The following IQCM variants were observed in gnomAD, a reference collection of about 807,000 sequenced individuals.
IQCM encodes IQ domain-containing protein M.
A neutral mutation model predicts 57.6 loss-of-function variants in IQCM; 45 were observed. The observed-to-expected ratio is 0.78, with a 90% confidence interval of 0.62 to 1.00. IQCM has a LOEUF of 1.00. Among genes scored for constraint, IQCM ranks in the 50% least tolerant of loss-of-function variants. The pLI is 0.00. For synonymous variants in IQCM, 148 were observed against 158.9 expected (o/e 0.93, Z 0.51); for missense variants, 468 against 511.6 (o/e 0.91, Z 0.82).
At chr4:149,620,659 T>C (rs547045097) in intron 8 of IQCM, among the ~76,000 whole-genome samples, 2 of 152,340 alleles carry the variant, frequency 1.3e-5, no homozygotes, top group South Asian at 2.1e-4. Flanking sequence ...TACTTTCAGA[T>C]CACAAGTTCT....
intron 5 of IQCM, chr4:149,691,140 A>G (rs1192049314): frequency 6.6e-6 from 1 of 152,182 alleles, no homozygotes; most frequent in Non-Finnish European, 1.5e-5. Context: ...GCTAATTGCT[A>G]TATATGGATT....
intron 5 of IQCM, among the ~76,000 whole-genome samples, chr4:149,697,030 T>C (rs1296000585): frequency 1.3e-5 from 2 of 152,156 alleles, no homozygotes. Flanking sequence ...TCCTAGAGAA[T>C]AGAGGCCTGC....
At chr4:149,388,451 C>T (rs1731578942) in intron 13 of IQCM, among the ~76,000 whole-genome samples, 1 of 147,214 alleles carries the variant, frequency 6.8e-6, no homozygotes, top group Non-Finnish European at 1.5e-5. Context: ...ACTAAAGATA[C>T]TGAGTGTCTT....
At chr4:149,662,502 A>G (rs1270970682) in intron 7 of IQCM, among the ~76,000 whole-genome samples, 2 of 151,916 alleles carry the variant, frequency 1.3e-5, no homozygotes. Context: ...CATTGTTGAA[A>G]GTTGGGTGTT....
chr4:149,448,600 CA>C (rs1236569290), intron 12 of IQCM, among the ~76,000 whole-genome samples: 9 of 150,850 alleles, frequency 6.0e-5, no homozygotes, highest in African/African-American at 2.2e-4. Context: ...AAATTTTAGC[CA>C]AAAAAAGAAG....
chr4:149,813,211 C>A (rs1040981788), intron 2 of IQCM, among the ~76,000 whole-genome samples: 24 of 152,164 alleles, frequency 1.6e-4, no homozygotes, highest in Admixed American at 1.1e-3. Context: ...TTTTCTACAC[C>A]AGACCCTGCT....
chr4:149,622,669 C>A (rs1430180610), intron 7 of IQCM, among the ~76,000 whole-genome samples: 2 of 151,912 alleles, frequency 1.3e-5, no homozygotes, highest in Non-Finnish European at 2.9e-5. Flanking sequence ...AAGGCCATGC[C>A]CTTTATATTT....
chr4:149,756,293 G>A (rs1768953434), intron 2 of IQCM, among the ~76,000 whole-genome samples: 1 of 152,066 alleles, frequency 6.6e-6, no homozygotes, highest in Admixed American at 6.5e-5. Context: ...AAAAAAGATA[G>A]GCTATCTAGA....
intron 13 of IQCM, among the ~76,000 whole-genome samples, chr4:149,355,279 C>T (rs1225661156): frequency 6.6e-6 from 1 of 151,884 alleles, no homozygotes; most frequent in Non-Finnish European, 1.5e-5. Flanking sequence ...TTTTAGGGTA[C>T]ATGTACAGAA....
intron 12 of IQCM, 36 bp from the exon 13 acceptor site, chr4:149,433,593 C>G (rs1357094925): frequency 1.2e-6 from 1 of 858,654 alleles, no homozygotes; most frequent in African/African-American, 1.8e-5. Context: ...AAATTTTAGA[C>G]ATTTTACAGA....
chr4:149,490,142 C>CA (rs1196006198), intron 12 of IQCM, among the ~76,000 whole-genome samples: 1 of 151,738 alleles, frequency 6.6e-6, no homozygotes, highest in Non-Finnish European at 1.5e-5. Flanking sequence ...TGAAAAAAGT[C>CA]AAAGTACTAA....
intron 8 of IQCM, among the ~76,000 whole-genome samples, chr4:149,595,129 C>G (rs1281919604): frequency 2.0e-5 from 3 of 152,162 alleles, no homozygotes; most frequent in Non-Finnish European, 4.4e-5. Flanking sequence ...CTTTATGAAT[C>G]TGGGTGCTCT....
intron 10 of IQCM, among the ~76,000 whole-genome samples, chr4:149,555,745 C>T (rs1749517103): frequency 6.6e-6 from 1 of 152,122 alleles, no homozygotes; most frequent in African/African-American, 2.4e-5. Context: ...ATCTTTAAAA[C>T]CTGAATAGAA....
chr4:149,620,066 A>G (rs1452565674), intron 8 of IQCM, among the ~76,000 whole-genome samples: 2 of 152,214 alleles, frequency 1.3e-5, no homozygotes, highest in South Asian at 4.1e-4. Flanking sequence ...CTGAGGCACA[A>G]GAATCACTTA....
chr4:149,477,819 T>C lies in IQCM; in HGVS notation c.1229-44262A>G, dbSNP rs990122439. On this transcript the variant is annotated intron_variant, in intron 12 of 13. Coordinates refer to ENST00000636793, the MANE Select transcript of IQCM (RefSeq NM_001363507.2). ...GATGACAAAAAATGAGAGGGTATAC[T>C]GGGGGGAAAAATGCATGTGGGAGGA... Among the ~76,000 whole-genome samples the C allele has an allele frequency of 5.9e-5, 9 of 151,930 alleles. 1 individual carries two copies. Among genetic ancestry groups the C allele is most frequent in the Admixed American group, 5.9e-4 (9 of 15,232 alleles).
At chr4:149,554,084 G>A (rs1298132011) in intron 10 of IQCM, among the ~76,000 whole-genome samples, 1 of 151,826 alleles carries the variant, frequency 6.6e-6, no homozygotes, top group African/African-American at 2.4e-5. Context: ...ACTTCTTAAA[G>A]GCTTAATTTT....
intron 12 of IQCM, among the ~76,000 whole-genome samples, chr4:149,507,243 A>G (rs1379805375): frequency 6.6e-6 from 1 of 152,184 alleles, no homozygotes; most frequent in Non-Finnish European, 1.5e-5. Context: ...CTAATACAGT[A>G]AATTGGAACA....
rs565882829 is a variant in IQCM at position 149,351,978 on chromosome 4, T to A, written c.1479A>T (p.Gln493His). 4 of 399,004 alleles carry A rather than the reference T, an allele frequency of 1.0e-5. No homozygotes were observed. In the South Asian group the frequency reaches 5.1e-4, roughly 51 times the overall value. The allele number at this position is 399,004 out of a possible 1,614,324, so 24.7% of individuals were successfully genotyped here. The change falls in exon 14 of 14, where the codon CAA becomes CAT. Residue 493 changes from glutamine (Q) to histidine (H), a missense_variant. Gln to His is a conservative substitution (Grantham distance 24). Coordinates refer to ENST00000636793, the MANE Select transcript of IQCM (RefSeq NM_001363507.2). ...ARSIRERKMR[Q>H]HYKSCKVE is the part of the protein sequence containing the mutation. ...ATTCAACTTTACATGACTTATAATGTTGTCTCATTTTCCTTTCTCTTATGG... is the reference window on the plus strand; with the variant it reads ...ATTCAACTTTACATGACTTATAATGATGTCTCATTTTCCTTTCTCTTATGG...
At chr4:149,371,392 T>G (rs919499220) in intron 13 of IQCM, among the ~76,000 whole-genome samples, 3 of 152,282 alleles carry the variant, frequency 2.0e-5, no homozygotes, top group Admixed American at 2.0e-4. Context: ...TGGCTCTGAG[T>G]GTCCTCTGAT....
Sources: allele counts gnomAD v4.1 joint callset (sites outside exome capture counted in the v4.1 genomes callset), GRCh38; gene constraint gnomAD v4.1.1; transcripts MANE v1.5; gene names NCBI Gene and HGNC (gene_info 2026-07-23, HGNC 2026-07-21).